STIM2: variants seen among roughly 807,000 people sequenced by gnomAD.
The protein encoded by STIM2 is stromal interaction molecule 2.
STIM2 carries 31 observed loss-of-function variants against 85.8 expected under a neutral mutation model. That is an observed-to-expected ratio of 0.36 (90% CI 0.27 to 0.49). STIM2 has a LOEUF of 0.49. STIM2 is among the 20% of genes least tolerant of loss of function. The pLI is 0.98. For synonymous variants in STIM2, 356 were observed against 331.1 expected (o/e 1.08, Z -0.82); for missense variants, 841 against 927.6 (o/e 0.91, Z 1.21).
chr4:26,873,235 A>C (rs1027095507), intron 1 of STIM2, among the ~76,000 whole-genome samples: 2 of 152,068 alleles, frequency 1.3e-5, no homozygotes, highest in Non-Finnish European at 2.9e-5. Flanking sequence ...CCCCATCTCT[A>C]CAAAAATACA....
At chr4:26,906,321 G>A (rs1724122875) in intron 1 of STIM2, among the ~76,000 whole-genome samples, 2 of 152,006 alleles carry the variant, frequency 1.3e-5, no homozygotes, top group Admixed American at 1.3e-4. Flanking sequence ...CCACCTATTG[G>A]GTGCTTTGCC....
chr4:26,930,475 GTT>G (rs34169234), intron 2 of STIM2, among the ~76,000 whole-genome samples: 1 of 151,224 alleles, frequency 6.6e-6, no homozygotes, highest in African/African-American at 2.4e-5. Context: ...AGTTTTAGAG[GTT>G]TTTTTTTATC....
Position 26,957,636 on chromosome 4 carries a change from A to G in STIM2, c.307A>G (p.Lys103Glu). 1 of 1,568,794 alleles carries G rather than the reference A, an allele frequency of 6.4e-7. No homozygotes were observed. Among genetic ancestry groups the G allele is most frequent in the Non-Finnish European group, 8.6e-7 (1 of 1,160,396 alleles). The change falls in exon 3 of 12, where the codon AAA becomes GAA. Residue 103 changes from lysine (K) to glutamate (E), a missense_variant. Coordinates refer to ENST00000467087, the MANE Select transcript of STIM2 (RefSeq NM_020860.4). ...GTTCATCAGAGAAGATATGAAATAT[A>G]AAGATGCTACTAATAAACACAGCCA...
Position 26,931,211 on chromosome 4 carries a change from A to T in STIM2, c.282+11577A>T, listed in dbSNP as rs1189198840. ...CTCTGAGAGAAAGAGAAGGGGCAGTAATGTGGACGTCATAATCTTTTTGTG... is the reference window on the plus strand; with the variant it reads ...CTCTGAGAGAAAGAGAAGGGGCAGTTATGTGGACGTCATAATCTTTTTGTG... On this transcript the variant is annotated intron_variant, in intron 2 of 11. Coordinates refer to ENST00000467087, the MANE Select transcript of STIM2 (RefSeq NM_020860.4). Among the ~76,000 whole-genome samples the T allele has an allele frequency of 2.6e-5, 4 of 152,270 alleles. No homozygotes were observed. In the East Asian group the frequency reaches 7.7e-4, roughly 29 times the overall value.
chr4:27,002,769 C>T (rs1234409227), intron 6 of STIM2, among the ~76,000 whole-genome samples, 158 bp from the exon 7 acceptor site: 2 of 151,954 alleles, frequency 1.3e-5, no homozygotes, highest in Non-Finnish European at 2.9e-5. Flanking sequence ...TAGTAAGTTG[C>T]CTGATATTTG....
rs1722188855 is a variant in STIM2, at chr4:26,861,473, C to T, written c.151+104C>T. 6 of 1,231,826 alleles carry T rather than the reference C, an allele frequency of 4.9e-6. No homozygotes were observed. The South Asian group carries it at 1.3e-4, about 27-fold the overall frequency. 76.3% of individuals were successfully genotyped at this position (1,231,826 alleles called of 1,614,324 possible). A position where few individuals can be genotyped will look rare whatever the true frequency, so the allele number is the denominator to read the frequency against. ...GCCGGACGTCCGCTATTCCGCGGCT[C>T]CGGCCAGGGCGCGATGCGGAGCCCT... On this transcript the variant is annotated intron_variant, in intron 1 of 11. Transcript: ENST00000467087.
Position 26,936,103 on chromosome 4 carries a change from A to G in STIM2, c.282+16469A>G, listed in dbSNP as rs572710044. Among the ~76,000 whole-genome samples the G allele has an allele frequency of 2.0e-5, 3 of 152,350 alleles. No individual in the cohort carries two copies. In the South Asian group the frequency reaches 6.2e-4, roughly 32 times the overall value. On this transcript the variant is annotated intron_variant, in intron 2 of 11. Coordinates refer to ENST00000467087, the MANE Select transcript of STIM2 (RefSeq NM_020860.4). ...TTAAAGTAAGATGGTTCTGTAACCT[A>G]GATGGTTAAGAATCATTGTGCAAGT...
At chr4:27,002,457 TG>T (rs1414462137) in intron 6 of STIM2, 63 bp downstream of exon 6, 2 of 1,318,120 alleles carry the variant, frequency 1.5e-6, no homozygotes, top group Non-Finnish European at 2.1e-6. Context: ...AAAAGTGATA[TG>T]GGCATGTGCT....
chr4:26,983,501 A>G (rs980946437), intron 3 of STIM2, among the ~76,000 whole-genome samples: 1 of 152,242 alleles, frequency 6.6e-6, no homozygotes. Context: ...TAAATGCTAA[A>G]TGCACTAAGA....
chr4:26,891,434 A>G (rs1577419606), intron 1 of STIM2, among the ~76,000 whole-genome samples: 2 of 152,130 alleles, frequency 1.3e-5, no homozygotes, highest in East Asian at 3.9e-4. Flanking sequence ...TGCACTACAG[A>G]TTTCAGACTT....
rs1413114673 is a variant in STIM2 at position 27,008,777 on chromosome 4, G to C, written c.1264G>C (p.Glu422Gln). ...TGGCTTTTCCAGGAAAGCTCTCTCT[G>C]AGTTGACAACTTGTTTACGAGAACG... is the stretch of plus-strand genomic sequence containing the variant. Residue 422 changes from glutamate (E) to glutamine (Q), a missense_variant, in exon 10 of 12, where the codon GAG (glutamate) becomes CAG (glutamine). Transcript: ENST00000467087. The C allele has an allele frequency of 6.2e-7, 1 of 1,614,086 alleles. No individual in the cohort carries two copies. The highest frequency in any genetic ancestry group is 8.5e-7 in the Non-Finnish European group (1 of 1,179,996).
intron 4 of STIM2, among the ~76,000 whole-genome samples, chr4:26,998,097 T>C (rs1165337665): frequency 1.3e-5 from 2 of 152,200 alleles, no homozygotes; most frequent in African/African-American, 2.4e-5. Context: ...AAGGTTTTCT[T>C]GAGTATTAAG....
At chr4:26,947,834 A>G (rs1725896500) in intron 2 of STIM2, among the ~76,000 whole-genome samples, 1 of 152,188 alleles carries the variant, frequency 6.6e-6, no homozygotes, top group Non-Finnish European at 1.5e-5. Flanking sequence ...AAGTTGTTCC[A>G]GAGGCAACTT....
Position 26,861,341 on chromosome 4 carries a change from G to A in STIM2, c.123G>A (p.Ala41=), listed in dbSNP as rs1344301533. 1.2e-4 allele frequency: 164 copies of A among 1,376,630 alleles called. No individual in the cohort carries two copies. Among genetic ancestry groups the A allele is most frequent in the Non-Finnish European group, 1.5e-4 (159 of 1,070,682 alleles). 85.3% of individuals were successfully genotyped at this position (1,376,630 alleles called of 1,614,324 possible). The change falls in exon 1 of 12, where the codon GCG becomes GCA. Residue 41 remains alanine (A), a synonymous_variant. Transcript: ENST00000467087. ...CTGCCGCCTCCTCTCCCGCCGCGGC[G>A]GCCGGCGATAGCCCGGCGCTCATGA...
At chr4:26,906,065 A>T (rs2109055760) in intron 1 of STIM2, among the ~76,000 whole-genome samples, 1 of 152,286 alleles carries the variant, frequency 6.6e-6, no homozygotes, top group Non-Finnish European at 1.5e-5. Context: ...TATTTTTTAA[A>T]AATTAAGATA....
At chr4:27,021,104 A>T in intron 11 of STIM2, 3 of 1,497,894 alleles carry the variant, frequency 2.0e-6, no homozygotes, top group Non-Finnish European at 2.7e-6. Context: ...TTAATATCTC[A>T]CTCTGTTCAT....
chr4:26,861,441 CATCTCCGCCGGACGTCCG>C, intron 1 of STIM2, 72 bp downstream of exon 1: 1 of 1,242,606 alleles, frequency 8.0e-7, no homozygotes. Flanking sequence ...CAGAGGTCAG[CATCTCCGCCGGACGTCCG>C]CTATTCCGCG....
In STIM2 at chr4:26,999,314, G is replaced by A. The variant is rs751007560; in HGVS notation, c.592G>A (p.Ala198Thr). The change falls in exon 5 of 12, where the codon GCA (alanine) becomes ACA (threonine). Residue 198 changes from alanine to threonine, a missense_variant. Ala to Thr is a moderately conservative substitution (Grantham distance 58). Around this residue, in one of 3 missense-constraint regions of STIM2, gnomAD observed 408 missense variants for 525.4 expected, o/e 0.78. Transcript: ENST00000467087. ...TCACAGACAAAAACTTCAGCTCAAGGCATTGGATGTGGTTTTGTTTGGACC... is the reference window on the plus strand; with the variant it reads ...TCACAGACAAAAACTTCAGCTCAAGACATTGGATGTGGTTTTGTTTGGACC... The A allele has an allele frequency of 6.2e-7, 1 of 1,609,484 alleles. No individual in the cohort carries two copies.
At chr4:26,950,288 T>G (rs1458575748) in intron 2 of STIM2, among the ~76,000 whole-genome samples, 1 of 152,172 alleles carries the variant, frequency 6.6e-6, no homozygotes, top group South Asian at 2.1e-4. Context: ...AATATATAAT[T>G]TTTGTCTTAT....
Sources: allele counts gnomAD v4.1 joint callset (sites outside exome capture counted in the v4.1 genomes callset), GRCh38; gene constraint gnomAD v4.1.1; regional missense constraint gnomAD v4.1.1; transcripts MANE v1.5; gene names NCBI Gene and HGNC (gene_info 2026-07-23, HGNC 2026-07-21).